The following CAPRIN1 variants were observed in gnomAD, a reference collection of about 807,000 sequenced individuals.
CAPRIN1 encodes the protein caprin-1.
A neutral mutation model predicts 100.9 loss-of-function variants in CAPRIN1; 29 were observed. That is an observed-to-expected ratio of 0.29 (90% confidence interval 0.21 to 0.39). The LOEUF (loss-of-function observed/expected upper bound fraction) is 0.39, where lower values mean the gene tolerates loss of function less well. CAPRIN1 is among the 10% of genes least tolerant of loss of function. The probability of loss-of-function intolerance (pLI) is 1.00; values close to 1 mark genes in which losing one functional copy is unlikely to be tolerated. For synonymous variants in CAPRIN1, 338 were observed against 307.5 expected, an observed-to-expected ratio of 1.10 and a Z score of -1.04; for missense variants, 795 against 876.7, an observed-to-expected ratio of 0.91 and a Z score of 1.18.
At chr11:34,063,213 A>G (rs889071010) in intron 2 of CAPRIN1, 21 of 152,226 alleles carry the variant, frequency 1.4e-4, no homozygotes, top group Admixed American at 1.4e-3. Flanking sequence ...GCAATTCAGC[A>G]CAACATAATA....
intron 9 of CAPRIN1, among the ~76,000 whole-genome samples, chr11:34,085,817 A>G (rs1851129604): frequency 6.6e-6 from 1 of 151,762 alleles, no homozygotes; most frequent in Non-Finnish European, 1.5e-5. Flanking sequence ...AGAAAAAAAA[A>G]TAAATAAATA....
chr11:34,085,984 T>C, intron 9 of CAPRIN1, 80 bp from the exon 10 acceptor site: 1 of 1,123,134 alleles, frequency 8.9e-7, no homozygotes, highest in Non-Finnish European at 1.3e-6. Flanking sequence ...GTTTATGTAG[T>C]GTGGGGGACC....
intron 2 of CAPRIN1, among the ~76,000 whole-genome samples, chr11:34,054,739 A>G (rs1850411975): frequency 6.6e-6 from 1 of 152,120 alleles, no homozygotes; most frequent in Non-Finnish European, 1.5e-5. Context: ...TTAAAATTTT[A>G]ATGCAGTAAG....
At chr11:34,082,456 TG>T (rs1279361169) in intron 7 of CAPRIN1, among the ~76,000 whole-genome samples, 4 of 152,246 alleles carry the variant, frequency 2.6e-5, no homozygotes, top group Non-Finnish European at 5.9e-5. Context: ...TCCAAAGTGC[TG>T]GGATTACAGA....
chr11:34,099,442 A>G lies in CAPRIN1; in HGVS notation c.*75A>G. 8.1e-7 allele frequency: 1 copy of G among 1,235,188 alleles called. No individual in the cohort carries two copies. The highest frequency in any genetic ancestry group is 1.2e-6 in the Non-Finnish European group (1 of 839,892). The allele number at this position is 1,235,188 out of a possible 1,614,324, so 76.5% of individuals were successfully genotyped here. A position where few individuals can be genotyped will look rare whatever the true frequency, so the allele number is the denominator to read the frequency against. ...ACCATAATATGTTACCAGAAGAGTTATTATCTATTTGTTCTCCCTTTCAGG... is the reference window on the plus strand; with the variant it reads ...ACCATAATATGTTACCAGAAGAGTTGTTATCTATTTGTTCTCCCTTTCAGG... On this transcript the variant is annotated 3_prime_UTR_variant, in exon 19 of 19. Transcript: ENST00000341394.
intron 1 of CAPRIN1, 61 bp downstream of exon 1, chr11:34,051,932 T>C: frequency 6.6e-6 from 1 of 151,862 alleles, no homozygotes; most frequent in Non-Finnish European, 1.5e-5. Flanking sequence ...CCGGGTGTCC[T>C]TTATCTCCGG....
intron 14 of CAPRIN1, chr11:34,091,703 C>G (rs755395789): frequency 9.1e-6 from 4 of 441,608 alleles, no homozygotes; most frequent in African/African-American, 2.0e-5. Flanking sequence ...TATTATACTC[C>G]CCTTTAAGTA....
chr11:34,084,778 A>G (rs1851105658), intron 9 of CAPRIN1, among the ~76,000 whole-genome samples: 1 of 152,234 alleles, frequency 6.6e-6, no homozygotes, highest in Admixed American at 6.5e-5. Flanking sequence ...AGAAGTAGAA[A>G]TGAACTATTA....
At chr11:34,089,363 G>T (rs1161010007) in intron 11 of CAPRIN1, 32 bp from the exon 12 acceptor site, 1 of 1,367,544 alleles carries the variant, frequency 7.3e-7, no homozygotes, top group South Asian at 1.2e-5. Context: ...ATTTAATTTT[G>T]TTTGACAAAA....
chr11:34,090,253 G>A lies in CAPRIN1; in HGVS notation c.1368G>A (p.Glu456=). 6.2e-7 allele frequency: 1 copy of A among 1,613,932 alleles called. No individual in the cohort carries two copies. Among genetic ancestry groups the A allele is most frequent in the Non-Finnish European group, 8.5e-7 (1 of 1,179,878 alleles). ...TGTACCAGCCTTCTCATGCTACAGA[G>A]CAACGACCACAGAAGGAACCAATTG... ...QPLYQPSHAT[E]QRPQKEPIDQ... Residue 456 remains glutamate, a synonymous_variant, in exon 13 of 19, where the codon GAG becomes GAA. Coordinates refer to ENST00000341394, the MANE Select transcript of CAPRIN1 (RefSeq NM_005898.5).
chr11:34,071,800 A>T lies in CAPRIN1; in HGVS notation c.279+12A>T. ...ATCAAGATCAGCTGGTAAAGATGTT[A>T]TATTTTTTATTTTAGACCTAATGCT... On this transcript the variant is annotated intron_variant, in intron 3 of 18. Transcript: ENST00000341394. The T allele has an allele frequency of 6.9e-7, 1 of 1,453,682 alleles. No individual in the cohort carries two copies. The highest frequency in any genetic ancestry group is 9.1e-7 in the Non-Finnish European group (1 of 1,102,714). 90.0% of individuals were successfully genotyped at this position (1,453,682 alleles called of 1,614,324 possible).
At chr11:34,080,466 T>G (rs1418623463) in intron 7 of CAPRIN1, among the ~76,000 whole-genome samples, 2 of 152,200 alleles carry the variant, frequency 1.3e-5, no homozygotes, top group African/African-American at 4.8e-5. Flanking sequence ...AGGAATAGTA[T>G]GAGTTGCTTT....
chr11:34,052,251 G>GCGCGCC (rs1554967602), intron 1 of CAPRIN1, 170 bp from the exon 2 acceptor site: 21 of 369,138 alleles, frequency 5.7e-5, no homozygotes, highest in Non-Finnish European at 9.4e-5. Flanking sequence ...GGTCGCGCGC[G>GCGCGCC]CGCCCGCGCA....
chr11:34,093,805 G>C (rs1235034621), intron 15 of CAPRIN1, among the ~76,000 whole-genome samples: 1 of 129,136 alleles, frequency 7.7e-6, no homozygotes, highest in Non-Finnish European at 1.7e-5. Flanking sequence ...TTTTTTTTTT[G>C]TATTTTTAGT....
Position 34,082,809 on chromosome 11 carries a change from T to G in CAPRIN1, c.827-16T>G, listed in dbSNP as rs1851060228. The stretch of plus-strand genomic sequence containing the variant: ...CTAAAAATCCTTTTGTTTTGCACCA[T>G]TTTTTAACCTCTTAGAACCTGAGCC... On this transcript the variant is annotated splice_polypyrimidine_tract_variant and intron_variant, in intron 7 of 18. Transcript: ENST00000341394. 3 of 1,608,350 alleles carry G rather than the reference T, an allele frequency of 1.9e-6. No individual in the cohort carries two copies. The highest frequency in any genetic ancestry group is 2.6e-6 in the Non-Finnish European group (3 of 1,176,406).
At chr11:34,082,182 T>C (rs1047334196) in intron 7 of CAPRIN1, among the ~76,000 whole-genome samples, 2 of 149,258 alleles carry the variant, frequency 1.3e-5, no homozygotes, top group African/African-American at 5.2e-5. Context: ...AGACTTTATT[T>C]TTATTTTTTA....
intron 2 of CAPRIN1, among the ~76,000 whole-genome samples, chr11:34,062,720 G>T (rs185549943): frequency 3.2e-4 from 49 of 152,018 alleles, no homozygotes; most frequent in African/African-American, 1.1e-3. Flanking sequence ...CAGTACTCTA[G>T]AAGTGATTTA....
rs952860097 is a variant in CAPRIN1, at chr11:34,101,385, A to G, written c.*2018A>G. ...AGTCCTATATAAAACTAAATTTGCTATCTGTGTAGAAAATAATTTCATGAC... is the reference window on the plus strand; with the variant it reads ...AGTCCTATATAAAACTAAATTTGCTGTCTGTGTAGAAAATAATTTCATGAC... On this transcript the variant is annotated 3_prime_UTR_variant, in exon 19 of 19. Transcript: ENST00000341394. 6.6e-6 allele frequency among the ~76,000 whole-genome samples: 1 copy of G among 152,180 alleles called. No homozygotes were observed. Among genetic ancestry groups the G allele is most frequent in the African/African-American group, 2.4e-5 (1 of 41,456 alleles).
rs879333171 is a variant in CAPRIN1, at chr11:34,101,671, C to G, written c.*2304C>G. Among the ~76,000 whole-genome samples the G allele has an allele frequency of 2.6e-5, 4 of 152,088 alleles. No homozygotes were observed. The highest frequency in any genetic ancestry group is 4.4e-5 in the Non-Finnish European group (3 of 67,998). ...AATGTATATCTTTTATGTCTCTACTCAGACCATATTTTTAAAGGGGTGCCT... is the reference window on the plus strand; with the variant it reads ...AATGTATATCTTTTATGTCTCTACTGAGACCATATTTTTAAAGGGGTGCCT... On this transcript the variant is annotated 3_prime_UTR_variant, in exon 19 of 19. Transcript: ENST00000341394.
Sources: allele counts gnomAD v4.1 joint callset (sites outside exome capture counted in the v4.1 genomes callset), GRCh38; gene constraint gnomAD v4.1.1; transcripts MANE v1.5; gene names NCBI Gene and HGNC (gene_info 2026-07-23, HGNC 2026-07-21).